The following CSPG5 variants were observed in gnomAD, a reference collection of about 807,000 sequenced individuals.
CSPG5 encodes acidic leucine-rich EGF-like domain-containing brain protein.
Under a neutral mutation model 39.8 loss-of-function variants are expected in CSPG5, and 25 were observed. That is an observed-to-expected ratio of 0.63 (90% CI 0.46 to 0.88). The LOEUF (loss-of-function observed/expected upper bound fraction) is 0.88, where lower values mean the gene tolerates loss of function less well. Among genes scored for constraint, CSPG5 ranks in the 40% least tolerant of loss-of-function variants. The pLI is 0.00. For missense variants in CSPG5, 627 were observed against 702.2 expected (o/e 0.89, Z 1.21); for synonymous variants, 295 against 303.9 (o/e 0.97, Z 0.31).
At chr3:47,568,005 T>C (rs932021487) in intron 4 of CSPG5, among the ~76,000 whole-genome samples, 1 of 152,162 alleles carries the variant, frequency 6.6e-6, no homozygotes, top group Non-Finnish European at 1.5e-5. Context: ...CTAGTGGCTG[T>C]TGTAGTAGAC....
In CSPG5 at chr3:47,572,793, G is replaced by T. The variant is rs149998914; in HGVS notation, c.1275C>A (p.Ala425=). 2 of 1,614,148 alleles carry T rather than the reference G, an allele frequency of 1.2e-6. No individual in the cohort carries two copies. The highest frequency in any genetic ancestry group is 2.2e-5 in the South Asian group (2 of 91,084). The part of the protein sequence containing the change: ...IITDFQVMCV[A]VGSAALVLLL... ...GCAGGACGAGGGCAGCCGAGCCCAC[G>T]GCCACGCACATCACCTGGAAGTCGG... Residue 425 remains alanine (A), a synonymous_variant, in exon 3 of 5, where the codon GCC becomes GCA. Transcript: ENST00000264723. This position sits in a 1 kb window ranked among gnomAD's most constrained non-coding sequence, Gnocchi z 4.5.
chr3:47,572,908 G>C lies in CSPG5; in HGVS notation c.1194-34C>G, dbSNP rs373532464. ...GCGACATTGAGAAACCGTGGCGATGGAGCAGGCAGCCACGGCCACAGTAAG... is the reference window on the plus strand; with the variant it reads ...GCGACATTGAGAAACCGTGGCGATGCAGCAGGCAGCCACGGCCACAGTAAG... On this transcript the variant is annotated intron_variant, in intron 2 of 4. Coordinates refer to ENST00000264723, the MANE Select transcript of CSPG5 (RefSeq NM_006574.4). The surrounding 1 kb of genome is among the most constrained non-coding windows in gnomAD (Gnocchi z 4.5). The C allele has an allele frequency of 3.2e-4, 502 of 1,590,034 alleles. No homozygotes were observed. The highest frequency in any genetic ancestry group is 4.1e-4 in the Non-Finnish European group (475 of 1,164,348).
At position 47,572,100 on chromosome 3, in the gene CSPG5, G is replaced by GGA. The variant is rs2108200675; in HGVS notation, c.1382+584_1382+585dup. Among the ~76,000 whole-genome samples, 1 of 152,290 alleles carries GGA rather than the reference G, an allele frequency of 6.6e-6. No individual in the cohort carries two copies. The highest frequency in any genetic ancestry group is 1.9e-4 in the East Asian group (1 of 5,180). On this transcript the variant is annotated intron_variant, in intron 3 of 4. Transcript: ENST00000264723. This position sits in a 1 kb window ranked among gnomAD's most constrained non-coding sequence, Gnocchi z 4.5. ...TAGTTCTCCCCACATATTCTACTCA[G>GGA]GAGAGGTAAAGAGGATTTTCTTAAG...
chr3:47,562,654 G>GC lies in CSPG5; in HGVS notation c.1565dup (p.Lys523GlnfsTer3), dbSNP rs1348958176. The GC allele has an allele frequency of 5.0e-6, 8 of 1,611,274 alleles. No homozygotes were observed. Among genetic ancestry groups the GC allele is most frequent in the Non-Finnish European group, 5.9e-6 (7 of 1,178,748 alleles). On this transcript the variant is annotated frameshift_variant, in exon 5 of 5. Transcript: ENST00000264723. LOFTEE classifies it high-confidence loss of function. ...CATCCAAGTCAGCCTGGTCACCTTT[G>GC]CCACCCTCAAGTTTGGGCGACATGG...
rs777508677 is a variant in CSPG5 at position 47,577,878 on chromosome 3, G to A, written c.148C>T (p.Pro50Ser). ...TCGTTGGCAGGCGGCTCCCACGCCGGGCTGCCCTTCACCAGCTCTTCGGCC... is the reference window on the plus strand; with the variant it reads ...TCGTTGGCAGGCGGCTCCCACGCCGAGCTGCCCTTCACCAGCTCTTCGGCC... ...VEAEELVKGS[P>S]AWEPPANDTR... Residue 50 changes from proline to serine, a missense_variant, in exon 2 of 5, where the codon CCG (proline) becomes TCG (serine). Physicochemically the swap from Pro to Ser is moderately conservative, Grantham distance 74. Transcript: ENST00000264723. This position sits in a 1 kb window ranked among gnomAD's most constrained non-coding sequence, Gnocchi z 4.7. 2 of 1,519,242 alleles carry A rather than the reference G, an allele frequency of 1.3e-6. No homozygotes were observed. The highest frequency in any genetic ancestry group is 2.5e-5 in the South Asian group (2 of 78,744). 94.1% of individuals were successfully genotyped at this position (1,519,242 alleles called of 1,614,324 possible).
At chr3:47,563,734 A>C (rs947924964) in intron 4 of CSPG5, among the ~76,000 whole-genome samples, 1 of 152,068 alleles carries the variant, frequency 6.6e-6, no homozygotes, top group Non-Finnish European at 1.5e-5. Context: ...TTGTATTTTC[A>C]GTAGAGATAG....
At chr3:47,569,127 G>C (rs370385156) in intron 4 of CSPG5, 25 bp downstream of exon 4, 2 of 1,602,686 alleles carry the variant, frequency 1.2e-6, no homozygotes, top group African/African-American at 1.4e-5. Context: ...GAGGAGGTAC[G>C]GGGAGTGTTG....
rs549503493 is a variant in CSPG5, at chr3:47,575,186, G to C, written c.1193+1647C>G. Among the ~76,000 whole-genome samples, 359 of 152,338 alleles carry C rather than the reference G, an allele frequency of 2.4e-3. 1 individual carries two copies. Among genetic ancestry groups the C allele is most frequent in the African/African-American group, 8.2e-3 (342 of 41,572 alleles). On this transcript the variant is annotated intron_variant, in intron 2 of 4. Coordinates refer to ENST00000264723, the MANE Select transcript of CSPG5 (RefSeq NM_006574.4). The stretch of plus-strand genomic sequence containing the variant: ...CACGCCTGTAATCCCAGCACTTTGA[G>C]AGGCTGAGGTGGGCGGATCACTTGA...
intron 4 of CSPG5, among the ~76,000 whole-genome samples, chr3:47,567,022 G>A (rs1449697316): frequency 6.6e-6 from 1 of 152,214 alleles, no homozygotes; most frequent in African/African-American, 2.4e-5. Flanking sequence ...CCACAAAGCT[G>A]GATCAGCCAA....
chr3:47,567,898 GC>G (rs1447783195), intron 4 of CSPG5, among the ~76,000 whole-genome samples: 1 of 152,132 alleles, frequency 6.6e-6, no homozygotes, highest in East Asian at 1.9e-4. Flanking sequence ...TCTAGTCCTA[GC>G]AACTCAGGAG....
rs3772403 is a variant in CSPG5 at position 47,574,665 on chromosome 3, C to A, written c.1194-1791G>T. ...TTTATAATAAAGAACTTCGGCTGGG[C>A]GCGGTGGCTCACGCCTGTAATCCCA... is the stretch of plus-strand genomic sequence containing the variant. On this transcript the variant is annotated intron_variant, in intron 2 of 4. Transcript: ENST00000264723. Among the ~76,000 whole-genome samples the A allele has an allele frequency of 5.3e-5, 8 of 151,754 alleles. No homozygotes were observed. The East Asian group carries it at 1.6e-3, about 29-fold the overall frequency.
chr3:47,568,053 C>T (rs1175851948), intron 4 of CSPG5, among the ~76,000 whole-genome samples: 1 of 152,164 alleles, frequency 6.6e-6, no homozygotes, highest in South Asian at 2.1e-4. Context: ...ACAGAAAGTT[C>T]CACTGGACCG....
chr3:47,569,234 A>G lies in CSPG5; in HGVS notation c.1383-7T>C, dbSNP rs150017918. The G allele has an allele frequency of 2.1e-4, 341 of 1,613,092 alleles. 1 individual carries two copies. In the African/African-American group the frequency reaches 4.3e-3, roughly 20 times the overall value. On this transcript the variant is annotated splice_polypyrimidine_tract_variant and splice_region_variant and intron_variant, in intron 3 of 4. Transcript: ENST00000264723. ...AGATGGGGTCCGGAATTTGCTGGTT[A>G]GGAGAGAAGAGTGAAGGAAACATGT...
Position 47,578,606 on chromosome 3 carries a change from C to T in CSPG5, c.88G>A (p.Ala30Thr). The T allele has an allele frequency of 8.6e-7, 1 of 1,159,040 alleles. No homozygotes were observed. The highest frequency in any genetic ancestry group is 1.1e-6 in the Non-Finnish European group (1 of 936,788). The allele number at this position is 1,159,040 out of a possible 1,614,324, so 71.8% of individuals were successfully genotyped here. A position where few individuals can be genotyped will look rare whatever the true frequency, so the allele number is the denominator to read the frequency against. Reference protein sequence around the residue: ...LGAALVLASGAVPAREAGSAV... With the variant: ...LGAALVLASGTVPAREAGSAV... ...GCGCAGTCATACCTACCCGGCACGG[C>T]CCCAGAGGCCAGGACCAGCGCGGCC... Residue 30 changes from alanine (A) to threonine (T), a missense_variant, in exon 1 of 5, where the codon GCC becomes ACC. Ala to Thr is a moderately conservative substitution (Grantham distance 58). Transcript: ENST00000264723. The surrounding 1 kb of genome is among the most constrained non-coding windows in gnomAD (Gnocchi z 6.0).
At chr3:47,566,047 G>A (rs970840951) in intron 4 of CSPG5, among the ~76,000 whole-genome samples, 3 of 152,110 alleles carry the variant, frequency 2.0e-5, no homozygotes, top group South Asian at 4.2e-4. Context: ...AGGTGCCACC[G>A]GCACAGATAC....
intron 4 of CSPG5, among the ~76,000 whole-genome samples, chr3:47,567,766 C>G (rs926956330): frequency 6.6e-6 from 1 of 152,200 alleles, no homozygotes; most frequent in Non-Finnish European, 1.5e-5. Flanking sequence ...AATCCCAACA[C>G]TTTGGGAGGC....
At position 47,572,727 on chromosome 3, in the gene CSPG5, G is replaced by C. The variant is rs766932146; in HGVS notation, c.1341C>G (p.Leu447=). Residue 447 remains leucine, a synonymous_variant, in exon 3 of 5, where the codon CTC becomes CTG. Coordinates refer to ENST00000264723, the MANE Select transcript of CSPG5 (RefSeq NM_006574.4). This position sits in a 1 kb window ranked among gnomAD's most constrained non-coding sequence, Gnocchi z 4.5. ...TGGTATTCTCCGTCTTGAGCAGGTA[G>C]AGCTTCTTGGCAAAGAACACCGTCA... The part of the protein sequence containing the change: ...FMMTVFFAKK[L]YLLKTENTKL... The C allele has an allele frequency of 6.2e-7, 1 of 1,614,196 alleles. No homozygotes were observed. The highest frequency in any genetic ancestry group is 1.1e-5 in the South Asian group (1 of 91,076).
At chr3:47,566,459 G>T (rs537889780) in intron 4 of CSPG5, among the ~76,000 whole-genome samples, 8 of 152,136 alleles carry the variant, frequency 5.3e-5, no homozygotes, top group Non-Finnish European at 1.0e-4. Flanking sequence ...CGTGTTCATC[G>T]GCAATGCCCA....
rs1387850430 is a variant in CSPG5, at chr3:47,577,284, A to G, written c.742T>C (p.Trp248Arg). The G allele has an allele frequency of 6.2e-7, 1 of 1,613,494 alleles. No individual in the cohort carries two copies. Among genetic ancestry groups the G allele is most frequent in the Non-Finnish European group, 8.5e-7 (1 of 1,179,748 alleles). ...TCATCGTATAAGTCAAGCAGGCTCC[A>G]GGAAGGGGTCTCTCCCTCAGTATCA... is the stretch of plus-strand genomic sequence containing the variant. ...HPDTEGETPS[W>R]SLLDLYDDFT... The change falls in exon 2 of 5, where the codon TGG (tryptophan) becomes CGG (arginine). Residue 248 changes from tryptophan (W) to arginine (R), a missense_variant. Coordinates refer to ENST00000264723, the MANE Select transcript of CSPG5 (RefSeq NM_006574.4). The surrounding 1 kb of genome is among the most constrained non-coding windows in gnomAD (Gnocchi z 4.7).
Sources: gnomAD v4.1 joint callset for allele counts (sites outside exome capture counted in the v4.1 genomes callset) on GRCh38, gnomAD v4.1.1 for gene constraint, Gnocchi (gnomAD v3.1) non-coding constraint, MANE v1.5 for transcripts, NCBI Gene and HGNC (gene_info 2026-07-23, HGNC 2026-07-21) for gene names.